CABLES1: variants seen among roughly 807,000 people sequenced by gnomAD.
CABLES1 encodes CDK5 and ABL1 enzyme substrate 1.
In CABLES1, 36 loss-of-function variants were observed where a neutral mutation model predicts 57.8. The ratio of observed to expected loss-of-function variants is 0.62; its 90% CI spans 0.48 to 0.82. The LOEUF (loss-of-function observed/expected upper bound fraction) is 0.82. CABLES1 is among the 40% of genes least tolerant of loss of function. CABLES1 has a pLI of 0.00. For synonymous variants in CABLES1, 374 were observed against 363.0 expected, an observed-to-expected ratio of 1.03 and a Z score of -0.35; for missense variants, 767 against 836.6, an observed-to-expected ratio of 0.92 and a Z score of 1.03.
chr18:23,235,772 T>C, intron 5 of CABLES1, 123 bp from the exon 6 acceptor site: 3 of 1,013,438 alleles, frequency 3.0e-6, no homozygotes, highest in South Asian at 1.6e-5. Flanking sequence ...TCTCATTGAA[T>C]TTCAGAATTG....
At position 23,136,320 on chromosome 18, in the gene CABLES1, G is replaced by C. The variant is rs1598791708; in HGVS notation, c.558G>C (p.Ala186=). 7.1e-7 allele frequency: 1 copy of C among 1,404,642 alleles called. No homozygotes were observed. The highest frequency in any genetic ancestry group is 1.6e-5 in the South Asian group (1 of 61,546). The allele number at this position is 1,404,642 out of a possible 1,614,324, so 87.0% of individuals were successfully genotyped here. The change falls in exon 1 of 10, where the codon GCG becomes GCC. Residue 186 remains alanine, a synonymous_variant. Transcript: ENST00000256925. ...SGEQWQPPRP[A]PLAACAQLQL... is the part of the protein sequence containing the mutation. Reference sequence around the variant, plus strand: ...AGCAGTGGCAGCCGCCCCGGCCGGCGCCTCTCGCCGCCTGTGCCCAACTGC... The same window carrying C: ...AGCAGTGGCAGCCGCCCCGGCCGGCCCCTCTCGCCGCCTGTGCCCAACTGC...
intron 4 of CABLES1, among the ~76,000 whole-genome samples, chr18:23,222,741 A>G (rs2047498295): frequency 6.6e-6 from 1 of 151,832 alleles, no homozygotes; most frequent in Non-Finnish European, 1.5e-5. Flanking sequence ...CACCTCCATA[A>G]AAGGATGGAG....
At chr18:23,210,028 A>T (rs1401413356) in intron 3 of CABLES1, among the ~76,000 whole-genome samples, 5 of 152,238 alleles carry the variant, frequency 3.3e-5, no homozygotes, top group Non-Finnish European at 7.3e-5. Context: ...GGCTGTGTGA[A>T]AAAGAAAGCT....
At chr18:23,244,116 T>C (rs1302295187) in intron 7 of CABLES1, among the ~76,000 whole-genome samples, 3 of 152,256 alleles carry the variant, frequency 2.0e-5, no homozygotes, top group Non-Finnish European at 4.4e-5. Flanking sequence ...TGCCACTGTT[T>C]CAGCAGCTTG....
At chr18:23,252,095 A>G (rs1463886871) in intron 7 of CABLES1, among the ~76,000 whole-genome samples, 1 of 152,138 alleles carries the variant, frequency 6.6e-6, no homozygotes, top group Non-Finnish European at 1.5e-5. Flanking sequence ...CAAAAAAAAA[A>G]AAAAAGACTC....
chr18:23,211,519 C>T (rs1362576607), intron 3 of CABLES1, among the ~76,000 whole-genome samples: 2 of 152,356 alleles, frequency 1.3e-5, no homozygotes, highest in East Asian at 3.9e-4. Context: ...CCCCTCCCTG[C>T]ACTGGGCATG....
intron 4 of CABLES1, among the ~76,000 whole-genome samples, chr18:23,222,397 G>A (rs1054787791): frequency 6.6e-6 from 1 of 151,838 alleles, no homozygotes; most frequent in East Asian, 1.9e-4. Context: ...TAATCCTCAA[G>A]GTATCTGCAG....
chr18:23,239,273 A>G (rs1375424985), intron 7 of CABLES1, among the ~76,000 whole-genome samples: 2 of 152,128 alleles, frequency 1.3e-5, no homozygotes, highest in African/African-American at 4.8e-5. Context: ...ATTTCACTGC[A>G]TTGGCTCTGC....
At chr18:23,252,203 A>G (rs948779926) in intron 7 of CABLES1, among the ~76,000 whole-genome samples, 4 of 152,194 alleles carry the variant, frequency 2.6e-5, no homozygotes, top group Admixed American at 1.3e-4. Flanking sequence ...AGTGGTTGCC[A>G]GGAGCTGGAG....
intron 3 of CABLES1, chr18:23,197,315 C>T (rs2047291490): frequency 6.6e-6 from 1 of 152,228 alleles, no homozygotes; most frequent in Non-Finnish European, 1.5e-5. Context: ...CACCCTGTGA[C>T]ACTGGACCAC....
chr18:23,245,986 G>A (rs748310199), intron 7 of CABLES1, among the ~76,000 whole-genome samples: 6 of 152,170 alleles, frequency 3.9e-5, no homozygotes, highest in Non-Finnish European at 8.8e-5. Flanking sequence ...CAGTGGTCCC[G>A]GCCGGGCACG....
intron 4 of CABLES1, among the ~76,000 whole-genome samples, chr18:23,215,773 A>T (rs1352768582): frequency 4.0e-5 from 6 of 148,702 alleles, no homozygotes; most frequent in African/African-American, 1.5e-4. Context: ...TTTTTTTTTG[A>T]GACAGAGTCT....
chr18:23,203,458 TAA>T (rs10617500), intron 3 of CABLES1, among the ~76,000 whole-genome samples: 19,973 of 140,450 alleles, frequency 0.14, 1,911 homozygotes, highest in Admixed American at 0.27. Context: ...TAGGATATGT[TAA>T]AAAAAAAAAA....
intron 1 of CABLES1, among the ~76,000 whole-genome samples, chr18:23,137,505 A>G (rs1444923988): frequency 6.6e-6 from 1 of 152,186 alleles, no homozygotes; most frequent in South Asian, 2.1e-4. Flanking sequence ...TTGTTGGTTA[A>G]TAAGGCCTCT....
At chr18:23,243,070 A>T (rs2145101162) in intron 7 of CABLES1, among the ~76,000 whole-genome samples, 2 of 150,604 alleles carry the variant, frequency 1.3e-5, no homozygotes, top group South Asian at 4.2e-4. Context: ...TATATTTATT[A>T]TAATTTATAT....
chr18:23,230,460 G>C (rs561459081), intron 4 of CABLES1, among the ~76,000 whole-genome samples: 1 of 152,148 alleles, frequency 6.6e-6, no homozygotes, highest in Non-Finnish European at 1.5e-5. Context: ...CTATGCCCAC[G>C]CCTGTACGTG....
intron 4 of CABLES1, among the ~76,000 whole-genome samples, chr18:23,229,065 T>C (rs1367109512): frequency 1.3e-5 from 2 of 152,184 alleles, no homozygotes; most frequent in African/African-American, 4.8e-5. Context: ...ACAATATTCA[T>C]GTGTAGTATT....
chr18:23,205,896 G>A (rs1263087093), intron 3 of CABLES1, among the ~76,000 whole-genome samples: 4 of 152,028 alleles, frequency 2.6e-5, no homozygotes, highest in Non-Finnish European at 5.9e-5. Context: ...AGAGGCACAC[G>A]GGGAGAATGC....
chr18:23,207,775 G>A lies in CABLES1; in HGVS notation c.1011-6202G>A, dbSNP rs2047374848. Among the ~76,000 whole-genome samples, 3 of 152,278 alleles carry A rather than the reference G, an allele frequency of 2.0e-5. No individual in the cohort carries two copies. The South Asian group carries it at 6.2e-4, about 32-fold the overall frequency. On this transcript the variant is annotated intron_variant, in intron 3 of 9. Coordinates refer to ENST00000256925, the MANE Select transcript of CABLES1 (RefSeq NM_001100619.3). ...CTCCCTAGGTTGTAGGATAAGGTGT[G>A]CCTCCTTAGCAGGTGGGGAGGCCTG...
Sources: allele counts gnomAD v4.1 joint callset (sites outside exome capture counted in the v4.1 genomes callset), GRCh38; gene constraint gnomAD v4.1.1; transcripts MANE v1.5; gene names NCBI Gene and HGNC (gene_info 2026-07-23, HGNC 2026-07-21).